The following STARD13 variants were observed in gnomAD, a reference collection of about 807,000 sequenced individuals.
The protein encoded by STARD13 is stAR-related lipid transfer protein 13.
Under a neutral mutation model 106.4 loss-of-function variants are expected in STARD13, and 62 were observed. The observed-to-expected ratio is 0.58, with a 90% CI of 0.48 to 0.72. The LOEUF is 0.72. Among genes scored for constraint, STARD13 ranks in the 30% least tolerant of loss-of-function variants. The pLI is 0.00. For synonymous variants in STARD13, 565 were observed against 553.0 expected, an observed-to-expected ratio of 1.02 and a Z score of -0.31; for missense variants, 1,387 against 1,424.0, an observed-to-expected ratio of 0.97 and a Z score of 0.42.
the STARD13 span, among the ~76,000 whole-genome samples, chr13:33,413,803 AG>A: frequency 6.6e-6 from 1 of 152,068 alleles, no homozygotes; most frequent in South Asian, 2.1e-4. Context: ...AGGTCGAGGC[AG>A]GCAGATCACC....
the STARD13 span, among the ~76,000 whole-genome samples, chr13:33,470,501 T>G: frequency 6.6e-6 from 1 of 152,236 alleles, no homozygotes; most frequent in Non-Finnish European, 1.5e-5. Flanking sequence ...ATCGCCACAC[T>G]GTCTTCCACA....
the STARD13 span, among the ~76,000 whole-genome samples, chr13:33,573,155 C>G: frequency 1.3e-5 from 2 of 152,006 alleles, no homozygotes; most frequent in Non-Finnish European, 2.9e-5. Context: ...TACGGTAGCC[C>G]CAGACAACTA....
the STARD13 span, among the ~76,000 whole-genome samples, chr13:33,425,568 G>A: frequency 8.5e-5 from 13 of 152,304 alleles, no homozygotes; most frequent in African/African-American, 2.9e-4. Flanking sequence ...TTAGTGGCCA[G>A]TTGTCATATT....
At chr13:33,487,048 T>C in the STARD13 span, among the ~76,000 whole-genome samples, 1 of 152,248 alleles carries the variant, frequency 6.6e-6, no homozygotes. Flanking sequence ...GTTATTGGTC[T>C]CTGTCATATT....
chr13:33,354,825 A>G (rs1291538560), upstream of STARD13, among the ~76,000 whole-genome samples: 1 of 151,950 alleles, frequency 6.6e-6, no homozygotes, highest in African/African-American at 2.4e-5. Context: ...TAATAGAAAC[A>G]TTAAAAGTAC....
At chr13:33,501,978 A>G in the STARD13 span, among the ~76,000 whole-genome samples, 1 of 152,162 alleles carries the variant, frequency 6.6e-6, no homozygotes, top group Non-Finnish European at 1.5e-5. Flanking sequence ...CTTGGGCAGT[A>G]TGACCATTTT....
the STARD13 span, among the ~76,000 whole-genome samples, chr13:33,503,257 T>C: frequency 1.3e-5 from 2 of 151,988 alleles, no homozygotes; most frequent in Non-Finnish European, 2.9e-5. Flanking sequence ...TTGCATCTAT[T>C]TGATTCTTCT....
chr13:33,650,916 C>G, the STARD13 span, among the ~76,000 whole-genome samples: 2 of 152,230 alleles, frequency 1.3e-5, no homozygotes, highest in South Asian at 4.1e-4. Context: ...GAGTGGCCCT[C>G]GCCAGACACT....
In STARD13 at chr13:33,127,365, C is replaced by T; in HGVS notation, c.1922+8G>A. The T allele has an allele frequency of 6.3e-7, 1 of 1,584,990 alleles. No individual in the cohort carries two copies. The highest frequency in any genetic ancestry group is 1.4e-5 in the African/African-American group (1 of 73,812). ...AAGGATCCCCTCCTAGGTGAATGTGCTACGCACCATGTCCAGCCGTGCTTG... is the reference window on the plus strand; with the variant it reads ...AAGGATCCCCTCCTAGGTGAATGTGTTACGCACCATGTCCAGCCGTGCTTG... On this transcript the variant is annotated splice_region_variant and intron_variant, in intron 6 of 13. Coordinates refer to ENST00000336934, the MANE Select transcript of STARD13 (RefSeq NM_178006.4).
chr13:33,586,881 A>G, the STARD13 span, among the ~76,000 whole-genome samples: 3 of 152,052 alleles, frequency 2.0e-5, no homozygotes, highest in Non-Finnish European at 2.9e-5. Flanking sequence ...AAATAGTGGT[A>G]TGTGACAGCA....
At chr13:33,673,561 T>TTTTTTTTTTTTA in the STARD13 span, among the ~76,000 whole-genome samples, 4 of 151,372 alleles carry the variant, frequency 2.6e-5, no homozygotes, top group African/African-American at 9.8e-5. Context: ...TTTTTTTTTT[T>TTTTTTTTTTTTA]GAGACAGAGT....
At chr13:33,335,888 G>T (rs1417123971) in intron 1 of STARD13, among the ~76,000 whole-genome samples, 1 of 152,226 alleles carries the variant, frequency 6.6e-6, no homozygotes, top group Admixed American at 6.5e-5. Flanking sequence ...CATTAAGTAC[G>T]AACATACACG....
intron 1 of STARD13, among the ~76,000 whole-genome samples, chr13:33,341,631 C>A (rs1039207037): frequency 6.6e-6 from 1 of 151,882 alleles, no homozygotes; most frequent in East Asian, 1.9e-4. Flanking sequence ...GAAATTTCAG[C>A]GAACCAGCTG....
At chr13:33,499,648 CCTT>C in the STARD13 span, among the ~76,000 whole-genome samples, 946 of 68,554 alleles carry the variant, frequency 0.014, 12 homozygotes, top group East Asian at 0.023. Flanking sequence ...TTCTTCTTCT[CCTT>C]CTTCTTCTTC....
chr13:33,216,873 C>G (rs905891096), intron 1 of STARD13, among the ~76,000 whole-genome samples: 6 of 152,174 alleles, frequency 3.9e-5, no homozygotes, highest in African/African-American at 1.4e-4. Flanking sequence ...AGTGGCCAAC[C>G]TGGAGTTTCA....
the STARD13 span, among the ~76,000 whole-genome samples, chr13:33,578,933 C>A: frequency 2.0e-5 from 3 of 151,870 alleles, no homozygotes; most frequent in African/African-American, 7.3e-5. Context: ...GAAATGCAAA[C>A]TAAAACCACA....
At chr13:33,287,382 G>A (rs1198681358), upstream of STARD13, among the ~76,000 whole-genome samples, 1 of 152,152 alleles carries the variant, frequency 6.6e-6, no homozygotes, top group Non-Finnish European at 1.5e-5. Flanking sequence ...ACTACCTCAC[G>A]TAGTTGGTAA....
rs1889656185 is a variant in STARD13, at chr13:33,243,524, G to T, written c.169+41946C>A. Among the ~76,000 whole-genome samples, 4 of 152,264 alleles carry T rather than the reference G, an allele frequency of 2.6e-5. No individual in the cohort carries two copies. The South Asian group carries it at 8.3e-4, about 32-fold the overall frequency. On this transcript the variant is annotated intron_variant, in intron 1 of 13. Coordinates refer to ENST00000336934, the MANE Select transcript of STARD13 (RefSeq NM_178006.4). Reference sequence around the variant, plus strand: ...AGATTTTAATCCTATGGGTCATAGGGATTTTCAAGTATGGAATTAATTTTT... The same window carrying T: ...AGATTTTAATCCTATGGGTCATAGGTATTTTCAAGTATGGAATTAATTTTT...
chr13:33,222,839 T>C (rs1352858274), intron 1 of STARD13, among the ~76,000 whole-genome samples: 1 of 152,262 alleles, frequency 6.6e-6, no homozygotes, highest in Non-Finnish European at 1.5e-5. Flanking sequence ...TAACAAATAA[T>C]GTCACAGAGA....
Sources: allele counts gnomAD v4.1 joint callset (sites outside exome capture counted in the v4.1 genomes callset), GRCh38; gene constraint gnomAD v4.1.1; transcripts MANE v1.5; gene names NCBI Gene and HGNC (gene_info 2026-07-23, HGNC 2026-07-21).